Variants in GALNT13 observed in about 807,000 individuals in gnomAD.
GALNT13 encodes UDP-GalNAc:polypeptide N-acetylgalactosaminyltransferase 13.
A neutral mutation model predicts 64.2 loss-of-function variants in GALNT13; 28 were observed. The ratio of observed to expected loss-of-function variants is 0.44; its 90% CI spans 0.32 to 0.60. The LOEUF (loss-of-function observed/expected upper bound fraction) is 0.60, where lower values mean the gene tolerates loss of function less well. Ranked by LOEUF, GALNT13 falls within the 20% of genes least tolerant of loss-of-function variation. The pLI, the probability that GALNT13 is intolerant of heterozygous loss-of-function variation, is 0.05. For synonymous variants in GALNT13, 214 were observed against 224.6 expected (o/e 0.95, Z 0.42); for missense variants, 577 against 669.8 (o/e 0.86, Z 1.53).
At chr2:153,466,303 C>G in the GALNT13 span, among the ~76,000 whole-genome samples, 2 of 152,028 alleles carry the variant, frequency 1.3e-5, no homozygotes, top group Non-Finnish European at 2.9e-5. Context: ...TGTAATCCCC[C>G]CTGACTGTGT....
intron 4 of GALNT13, among the ~76,000 whole-genome samples, chr2:154,169,881 T>C (rs1265738585): frequency 1.3e-5 from 2 of 151,890 alleles, no homozygotes; most frequent in African/African-American, 4.8e-5. Flanking sequence ...CTCTCTCTCT[T>C]TCCCTTAGAG....
At chr2:154,098,639 C>T (rs1018206179) in intron 3 of GALNT13, among the ~76,000 whole-genome samples, 7 of 151,816 alleles carry the variant, frequency 4.6e-5, no homozygotes, top group African/African-American at 1.5e-4. Context: ...TTATGTGTAC[C>T]CATTGTTTAG....
chr2:153,194,105 C>T, the GALNT13 span, among the ~76,000 whole-genome samples: 1 of 152,124 alleles, frequency 6.6e-6, no homozygotes, highest in African/African-American at 2.4e-5. Flanking sequence ...TTAAGGATCT[C>T]TGAGTTTCCT....
chr2:154,290,431 TGAG>T (rs1406384191), intron 8 of GALNT13, among the ~76,000 whole-genome samples: 1 of 152,224 alleles, frequency 6.6e-6, no homozygotes, highest in African/African-American at 2.4e-5. Flanking sequence ...CGGGGTAGAC[TGAG>T]ATTACAGGAA....
intron 10 of GALNT13, among the ~76,000 whole-genome samples, chr2:154,402,133 A>T (rs942136954): frequency 6.6e-6 from 1 of 152,208 alleles, no homozygotes; most frequent in Non-Finnish European, 1.5e-5. Flanking sequence ...CAATTGAAGG[A>T]TAAACGTATG....
the GALNT13 span, among the ~76,000 whole-genome samples, chr2:153,781,779 G>A: frequency 1.3e-5 from 2 of 152,032 alleles, no homozygotes; most frequent in African/African-American, 4.8e-5. Context: ...TTGAGGAAAA[G>A]AGATGAGAAT....
the GALNT13 span, among the ~76,000 whole-genome samples, chr2:153,087,126 A>T: frequency 4.6e-5 from 7 of 152,100 alleles, no homozygotes; most frequent in Non-Finnish European, 1.0e-4. Context: ...TTTGTCATAG[A>T]TGGCTTTTAT....
In GALNT13 at chr2:154,300,492, A is replaced by G. The variant is rs922661993; in HGVS notation, c.976-917A>G. Among the ~76,000 whole-genome samples the G allele has an allele frequency of 3.9e-5, 6 of 152,262 alleles. No homozygotes were observed. The East Asian group carries it at 9.6e-4, about 24-fold the overall frequency. On this transcript the variant is annotated intron_variant, in intron 8 of 12. Coordinates refer to ENST00000392825, the MANE Select transcript of GALNT13 (RefSeq NM_052917.4). The stretch of plus-strand genomic sequence containing the variant: ...ATGAAAACAATGTTAGTTACAGTAT[A>G]AAACCATGTTTTCCAAATTTTGTAA...
chr2:154,271,307 T>C (rs1559060113), intron 8 of GALNT13, among the ~76,000 whole-genome samples: 1 of 152,026 alleles, frequency 6.6e-6, no homozygotes. Context: ...CTGGCTGCAA[T>C]GAAATATCTA....
the GALNT13 span, among the ~76,000 whole-genome samples, chr2:153,108,354 T>A: frequency 6.6e-6 from 1 of 151,634 alleles, no homozygotes; most frequent in Non-Finnish European, 1.5e-5. Flanking sequence ...TGGGGAGGGG[T>A]GCTGTGAATA....
chr2:154,018,591 A>T (rs899040426), intron 3 of GALNT13, among the ~76,000 whole-genome samples: 1 of 151,786 alleles, frequency 6.6e-6, no homozygotes, highest in East Asian at 1.9e-4. Context: ...GCAAAAGGTG[A>T]GGGGATAAGA....
chr2:153,343,912 A>G, the GALNT13 span, among the ~76,000 whole-genome samples: 2 of 152,350 alleles, frequency 1.3e-5, no homozygotes, highest in East Asian at 1.9e-4. Flanking sequence ...AGAACAATGT[A>G]TAAGTTAGTT....
At chr2:153,593,926 A>AT in the GALNT13 span, among the ~76,000 whole-genome samples, 1 of 152,178 alleles carries the variant, frequency 6.6e-6, no homozygotes, top group African/African-American at 2.4e-5. Context: ...CTGAAGCTCC[A>AT]TGAAAAGGGC....
chr2:153,510,165 G>A, the GALNT13 span, among the ~76,000 whole-genome samples: 1 of 152,122 alleles, frequency 6.6e-6, no homozygotes, highest in Non-Finnish European at 1.5e-5. Flanking sequence ...TTTATTTTAA[G>A]CCACAATATT....
intron 3 of GALNT13, among the ~76,000 whole-genome samples, chr2:154,090,135 A>G (rs951878596): frequency 2.0e-5 from 3 of 152,118 alleles, no homozygotes; most frequent in African/African-American, 4.8e-5. Context: ...AAAGATATCT[A>G]TGCATAACAA....
At chr2:153,511,428 G>T in the GALNT13 span, among the ~76,000 whole-genome samples, 3 of 152,204 alleles carry the variant, frequency 2.0e-5, no homozygotes, top group East Asian at 5.8e-4. Context: ...ATTCAGTAGG[G>T]TTTCAAGAGA....
At chr2:154,279,639 A>T (rs1009713501) in intron 8 of GALNT13, among the ~76,000 whole-genome samples, 2 of 152,116 alleles carry the variant, frequency 1.3e-5, no homozygotes, top group African/African-American at 2.4e-5. Context: ...TCTTTACTGG[A>T]CTTTAAGCAT....
At chr2:153,648,738 C>G in the GALNT13 span, among the ~76,000 whole-genome samples, 1 of 149,340 alleles carries the variant, frequency 6.7e-6, no homozygotes, top group African/African-American at 2.5e-5. Flanking sequence ...TGGTTTTTGT[C>G]TTTGGTTCTG....
chr2:153,261,981 A>G, the GALNT13 span, among the ~76,000 whole-genome samples: 5 of 152,116 alleles, frequency 3.3e-5, no homozygotes, highest in African/African-American at 1.2e-4. Flanking sequence ...TGGCTTAGGG[A>G]CTGTACAAAA....
Sources: gnomAD v4.1 joint callset for allele counts (sites outside exome capture counted in the v4.1 genomes callset) on GRCh38, gnomAD v4.1.1 for gene constraint, MANE v1.5 for transcripts, NCBI Gene and HGNC (gene_info 2026-07-23, HGNC 2026-07-21) for gene names.